SELENOP: variants seen among roughly 807,000 people sequenced by gnomAD.
SELENOP encodes selenoprotein P.
A neutral mutation model predicts 41.0 loss-of-function variants in SELENOP; 36 were observed. The ratio of observed to expected loss-of-function variants is 0.88; its 90% confidence interval spans 0.67 to 1.16. The LOEUF is 1.16. Among genes scored for constraint, SELENOP ranks in the 50% most tolerant of loss-of-function variants. The pLI, the probability that SELENOP is intolerant of heterozygous loss-of-function variation, is 0.00. For missense variants in SELENOP, 440 were observed against 454.2 expected, an observed-to-expected ratio of 0.97 and a Z score of 0.28; for synonymous variants, 144 against 150.8, an observed-to-expected ratio of 0.95 and a Z score of 0.33.
intron 1 of SELENOP, among the ~76,000 whole-genome samples, chr5:42,808,986 A>G (rs1760402644): frequency 6.6e-6 from 1 of 152,078 alleles, no homozygotes; most frequent in South Asian, 2.1e-4. Context: ...AAATGAAAAG[A>G]GCCAGCAAAA....
rs1008588544 is a variant in SELENOP, at chr5:42,800,548, G to A, written c.*172C>T. ...CTCCATCATAAAAAATATGGTTTGAGTCAATATTTCTATGACATAAAATTT... is the reference window on the plus strand; with the variant it reads ...CTCCATCATAAAAAATATGGTTTGAATCAATATTTCTATGACATAAAATTT... On this transcript the variant is annotated 3_prime_UTR_variant, in exon 5 of 5. Transcript: ENST00000514985. 1 of 733,270 alleles carries A rather than the reference G, an allele frequency of 1.4e-6. No individual in the cohort carries two copies. The highest frequency in any genetic ancestry group is 1.8e-5 in the African/African-American group (1 of 56,166). The allele number at this position is 733,270 out of a possible 1,614,324, so 45.4% of individuals were successfully genotyped here. A position where few individuals can be genotyped will look rare whatever the true frequency, so the allele number is the denominator to read the frequency against.
rs896069197 is a variant in SELENOP at position 42,800,232 on chromosome 5, T to A, written c.*488A>T. ...TTTAAAATAGTTATATATGCTTTTT[T>A]AGCAAAATATTCACGTGTTAAGTAT... On this transcript the variant is annotated 3_prime_UTR_variant, in exon 5 of 5. Transcript: ENST00000514985. 8 of 156,990 alleles carry A rather than the reference T, an allele frequency of 5.1e-5. No homozygotes were observed. The highest frequency in any genetic ancestry group is 1.1e-4 in the Non-Finnish European group (8 of 71,198). 9.7% of individuals were successfully genotyped at this position (156,990 alleles called of 1,614,324 possible).
chr5:42,810,817 T>C, intron 1 of SELENOP: 2 of 1,012,302 alleles, frequency 2.0e-6, no homozygotes, highest in Non-Finnish European at 2.4e-6. Flanking sequence ...GTTTCACTCA[T>C]TTCCCTCATT....
chr5:42,808,319 C>CA lies in SELENOP; in HGVS notation c.34dup (p.Cys12LeufsTer18), dbSNP rs1760383222. The stretch of plus-strand genomic sequence containing the variant: ...CTCTGTTCCTCCCGATGGGAGGAGA[C>CA]AGAGAGCCAGGGCAAGCCCCAGGCT... On this transcript the variant is annotated frameshift_variant, in exon 2 of 5. Coordinates refer to ENST00000514985, the MANE Select transcript of SELENOP (RefSeq NM_005410.4). LOFTEE classifies it high-confidence loss of function. The CA allele has an allele frequency of 1.4e-6, 2 of 1,454,724 alleles. No homozygotes were observed. Among genetic ancestry groups the CA allele is most frequent in the Non-Finnish European group, 1.8e-6 (2 of 1,102,906 alleles). 90.1% of individuals were successfully genotyped at this position (1,454,724 alleles called of 1,614,324 possible).
At position 42,800,070 on chromosome 5, in the gene SELENOP, C is replaced by T; in HGVS notation, c.*650G>A. 7.4e-6 allele frequency: 2 copies of T among 271,926 alleles called. No homozygotes were observed. Among genetic ancestry groups the T allele is most frequent in the Non-Finnish European group, 1.4e-5 (2 of 146,576 alleles). 16.8% of individuals were successfully genotyped at this position (271,926 alleles called of 1,614,324 possible). A position where few individuals can be genotyped will look rare whatever the true frequency, so the allele number is the denominator to read the frequency against. On this transcript the variant is annotated 3_prime_UTR_variant, in exon 5 of 5. Transcript: ENST00000514985. Reference sequence around the variant, plus strand: ...AGAGACAGACAATATTATCTTTCCCCTTATATCTTTTAAGACAGCCACTCA... The same window carrying T: ...AGAGACAGACAATATTATCTTTCCCTTTATATCTTTTAAGACAGCCACTCA...
rs564891721 is a variant in SELENOP at position 42,804,216 on chromosome 5, C to T, written c.534+440G>A. Among the ~76,000 whole-genome samples, 21 of 152,352 alleles carry T rather than the reference C, an allele frequency of 1.4e-4. No homozygotes were observed. The South Asian group carries it at 3.1e-3, about 23-fold the overall frequency. On this transcript the variant is annotated intron_variant, in intron 4 of 4. Coordinates refer to ENST00000514985, the MANE Select transcript of SELENOP (RefSeq NM_005410.4). ...GTGGCTCACGCCTGTAATCCCAGCA[C>T]TTTGGGAGGCCGAGGCGGGCGTATC...
At position 42,801,222 on chromosome 5, in the gene SELENOP, T is replaced by C. The variant is rs1043440072; in HGVS notation, c.644A>G (p.His215Arg). Residue 215 changes from histidine (H) to arginine (R), a missense_variant, in exon 5 of 5, where the codon CAT (histidine) becomes CGT (arginine). Physicochemically the swap from His to Arg is conservative, Grantham distance 29. Coordinates refer to ENST00000514985, the MANE Select transcript of SELENOP (RefSeq NM_005410.4). ...YHHEHHHNHG[H>R]QHLGSSELSE... is the part of the protein sequence containing the mutation. ...AAGCTCACTGCTGCCAAGGTGCTGATGTCCATGATTGTGATGATGCTCATG... is the reference window on the plus strand; with the variant it reads ...AAGCTCACTGCTGCCAAGGTGCTGACGTCCATGATTGTGATGATGCTCATG... 1.9e-6 allele frequency: 3 copies of C among 1,614,186 alleles called. No homozygotes were observed. Among genetic ancestry groups the C allele is most frequent in the Non-Finnish European group, 2.5e-6 (3 of 1,180,032 alleles).
chr5:42,804,415 C>G (rs1760284356), intron 4 of SELENOP, among the ~76,000 whole-genome samples: 1 of 152,092 alleles, frequency 6.6e-6, no homozygotes, highest in Non-Finnish European at 1.5e-5. Context: ...GAGCCGAGAT[C>G]GCGCCACTGC....
At position 42,799,971 on chromosome 5, in the gene SELENOP, AG is replaced by A. The variant is rs754638777; in HGVS notation, c.*748del. The A allele has an allele frequency of 5.6e-4, 347 of 617,752 alleles. No homozygotes were observed. The highest frequency in any genetic ancestry group is 8.7e-4 in the Non-Finnish European group (323 of 372,846). 38.3% of individuals were successfully genotyped at this position (617,752 alleles called of 1,614,324 possible). On this transcript the variant is annotated 3_prime_UTR_variant, in exon 5 of 5. Coordinates refer to ENST00000514985, the MANE Select transcript of SELENOP (RefSeq NM_005410.4). ...TCTTGCTTAATAGTATTAACCATAA[AG>A]GAGGTCAGGTTTATAGGGTTTGGTT...
intron 4 of SELENOP, chr5:42,801,543 A>T (rs548487036): frequency 1.0e-5 from 5 of 478,348 alleles, no homozygotes; most frequent in Middle Eastern, 5.3e-4. Flanking sequence ...CACTGTACTT[A>T]TATTTGCAGA....
At chr5:42,804,211 C>CA (rs1415437099) in intron 4 of SELENOP, among the ~76,000 whole-genome samples, 1 of 152,210 alleles carries the variant, frequency 6.6e-6, no homozygotes. Context: ...CCTGTAATCC[C>CA]AGCACTTTGG....
In SELENOP at chr5:42,800,693, T is replaced by C. The variant is rs779782895; in HGVS notation, c.*27A>G. ...GAAATGAAATTGTGTCTAGACTAAA[T>C]TGGGGAGTATGTCCTATTTTAAATA... On this transcript the variant is annotated 3_prime_UTR_variant, in exon 5 of 5. Coordinates refer to ENST00000514985, the MANE Select transcript of SELENOP (RefSeq NM_005410.4). The C allele has an allele frequency of 6.4e-7, 1 of 1,555,808 alleles. No homozygotes were observed. The highest frequency in any genetic ancestry group is 8.7e-7 in the Non-Finnish European group (1 of 1,150,888).
In SELENOP at chr5:42,801,126, T is replaced by C. The variant is rs767112818; in HGVS notation, c.740A>G (p.His247Arg). ...CTGCCTATGCTGACCCTTGTGCTTA[T>C]GGTGGTGATGAAGGCCTGGAGGAGC... Reference protein sequence around the residue: ...HPAPPGLHHHHKHKGQHRQGH... With the variant: ...HPAPPGLHHHRKHKGQHRQGH... Residue 247 changes from histidine to arginine, a missense_variant, in exon 5 of 5, where the codon CAT (histidine) becomes CGT (arginine). Coordinates refer to ENST00000514985, the MANE Select transcript of SELENOP (RefSeq NM_005410.4). The C allele has an allele frequency of 6.2e-7, 1 of 1,614,138 alleles. No homozygotes were observed.
Position 42,804,722 on chromosome 5 carries a change from G to A in SELENOP, c.468C>T (p.Phe156=). ...TCTTAATGGCTTCTTCTACATATGG[G>A]AAAGTTAGGAAGGAAAAAGGCAAAC... is the stretch of plus-strand genomic sequence containing the variant. ...HLGLPFSFLT[F]PYVEEAIKIA... is the part of the protein sequence containing the mutation. The change falls in exon 4 of 5, where the codon TTC becomes TTT. Residue 156 remains phenylalanine, a synonymous_variant. Transcript: ENST00000514985. 1.2e-6 allele frequency: 2 copies of A among 1,611,554 alleles called. No individual in the cohort carries two copies. The highest frequency in any genetic ancestry group is 1.7e-6 in the Non-Finnish European group (2 of 1,178,320).
In SELENOP at chr5:42,800,936, T is replaced by C; in HGVS notation, c.930A>G (p.Glu310=). The C allele has an allele frequency of 6.2e-7, 1 of 1,614,242 alleles. No homozygotes were observed. The highest frequency in any genetic ancestry group is 1.3e-5 in the African/African-American group (1 of 75,070). The change falls in exon 5 of 5, where the codon GAA becomes GAG. Residue 310 remains glutamate (E), a synonymous_variant. Transcript: ENST00000514985. ...GTCAGGTGATTGCAGACCCTGTTTT[T>C]TCAAATATCAGATGTCGACAATGGC... ...UCCHCRHLIF[E]KTGSAITUQC... is the part of the protein sequence containing the mutation.
At chr5:42,806,684 T>C (rs1467092087) in intron 3 of SELENOP, 2 of 391,744 alleles carry the variant, frequency 5.1e-6, no homozygotes, top group Non-Finnish European at 9.4e-6. Context: ...CAGCAGGGTA[T>C]AGTGTCATAG....
chr5:42,804,422 C>A (rs538607491), intron 4 of SELENOP, among the ~76,000 whole-genome samples: 1 of 152,304 alleles, frequency 6.6e-6, no homozygotes, highest in Admixed American at 6.5e-5. Context: ...GATCGCGCCA[C>A]TGCACTCCAG....
chr5:42,807,212 AT>A, intron 2 of SELENOP, 104 bp from the exon 3 acceptor site: 1 of 601,394 alleles, frequency 1.7e-6, no homozygotes, highest in Non-Finnish European at 2.9e-6. Flanking sequence ...TCTCCTTCTT[AT>A]TTTTAACTAA....
In SELENOP at chr5:42,800,345, A is replaced by C; in HGVS notation, c.*375T>G. The stretch of plus-strand genomic sequence containing the variant: ...CAAAGTAATATTGTTTTGAGAGATA[A>C]GTAAAGAAAAAAATGGAAAGCATGT... On this transcript the variant is annotated 3_prime_UTR_variant, in exon 5 of 5. Coordinates refer to ENST00000514985, the MANE Select transcript of SELENOP (RefSeq NM_005410.4). 6.0e-6 allele frequency: 1 copy of C among 165,682 alleles called. No homozygotes were observed. Among genetic ancestry groups the C allele is most frequent in the South Asian group, 2.0e-4 (1 of 5,112 alleles). 10.3% of individuals were successfully genotyped at this position (165,682 alleles called of 1,614,324 possible).
Sources: allele counts gnomAD v4.1 joint callset (sites outside exome capture counted in the v4.1 genomes callset), GRCh38; gene constraint gnomAD v4.1.1; transcripts MANE v1.5; gene names NCBI Gene and HGNC (gene_info 2026-07-23, HGNC 2026-07-21).